The following KCNG3 variants were observed in gnomAD, a reference collection of about 807,000 sequenced individuals.
The protein encoded by KCNG3 is potassium voltage-gated channel modifier subfamily G member 3.
In KCNG3, 15 loss-of-function variants were observed where a neutral mutation model predicts 29.0. That is an observed-to-expected ratio of 0.52 (90% CI 0.35 to 0.80). KCNG3 has a LOEUF of 0.80. Ranked by LOEUF, KCNG3 falls within the 30% of genes least tolerant of loss-of-function variation. The pLI, the probability that KCNG3 is intolerant of heterozygous loss-of-function variation, is 0.01. For synonymous variants in KCNG3, 322 were observed against 248.9 expected (o/e 1.29, Z -2.76); for missense variants, 512 against 605.7 (o/e 0.85, Z 1.62).
chr2:42,463,882 A>G (rs1465181816), intron 1 of KCNG3: 2 of 292,902 alleles, frequency 6.8e-6, no homozygotes, highest in Non-Finnish European at 1.4e-5. Context: ...TGTAAATTCT[A>G]ATCCCTTCTC....
At chr2:42,465,126 C>A (rs1024485526) in intron 1 of KCNG3, among the ~76,000 whole-genome samples, 1 of 151,974 alleles carries the variant, frequency 6.6e-6, no homozygotes, top group South Asian at 2.1e-4. Flanking sequence ...TCATACCACA[C>A]ACAAAAATTA....
the KCNG3 span, among the ~76,000 whole-genome samples, chr2:42,420,149 G>A: frequency 7.9e-5 from 12 of 151,990 alleles, no homozygotes; most frequent in African/African-American, 2.2e-4. Flanking sequence ...GCTTGAACCC[G>A]GGAAGCAGAG....
the KCNG3 span, among the ~76,000 whole-genome samples, chr2:42,407,057 A>G: frequency 6.6e-6 from 1 of 152,052 alleles, no homozygotes; most frequent in South Asian, 2.1e-4. Flanking sequence ...ACTTCACATC[A>G]TGCTTGATAA....
chr2:42,462,810 T>C (rs961861239), intron 1 of KCNG3, among the ~76,000 whole-genome samples: 1 of 152,194 alleles, frequency 6.6e-6, no homozygotes, highest in Non-Finnish European at 1.5e-5. Context: ...AAGTCACAGT[T>C]TCATTCATTT....
chr2:42,459,714 C>T (rs1479455876), intron 1 of KCNG3, among the ~76,000 whole-genome samples: 1 of 152,152 alleles, frequency 6.6e-6, no homozygotes, highest in African/African-American at 2.4e-5. Context: ...TGGTGGCTCA[C>T]GCCTGTAATC....
intron 1 of KCNG3, among the ~76,000 whole-genome samples, chr2:42,458,594 A>G (rs1401515686): frequency 6.6e-6 from 1 of 152,224 alleles, no homozygotes; most frequent in Non-Finnish European, 1.5e-5. Context: ...ATTACAGGCA[A>G]TTACTACAAA....
chr2:42,390,250 T>C, the KCNG3 span, among the ~76,000 whole-genome samples: 1 of 152,212 alleles, frequency 6.6e-6, no homozygotes. Flanking sequence ...CCTGTAATCA[T>C]TAAATTACAG....
At chr2:42,483,024 A>G (rs917605623) in intron 1 of KCNG3, among the ~76,000 whole-genome samples, 30 of 151,696 alleles carry the variant, frequency 2.0e-4, no homozygotes, top group Non-Finnish European at 3.2e-4. Context: ...GGGAGGCTAC[A>G]GTGGGAGGAT....
In KCNG3 at chr2:42,493,733, AG is replaced by A. The variant is rs1673988864; in HGVS notation, c.-233del. 1 of 339,314 alleles carries A rather than the reference AG, an allele frequency of 2.9e-6. No homozygotes were observed. Among genetic ancestry groups the A allele is most frequent in the Non-Finnish European group, 5.3e-6 (1 of 189,584 alleles). 21.0% of individuals were successfully genotyped at this position (339,314 alleles called of 1,614,324 possible). On this transcript the variant is annotated 5_prime_UTR_variant, in exon 1 of 2. Coordinates refer to ENST00000306078, the MANE Select transcript of KCNG3 (RefSeq NM_133329.6). ...CGGCGGTACCTGCGGGTGGCCGGGG[AG>A]TCCTCGCCGGCGCCAGCGCTGAGCC...
chr2:42,395,430 G>A, the KCNG3 span, among the ~76,000 whole-genome samples: 14 of 152,284 alleles, frequency 9.2e-5, no homozygotes, highest in East Asian at 1.9e-4. Flanking sequence ...GGCCAGGCGC[G>A]GTGGCTCACA....
chr2:42,476,291 G>A (rs997741088), intron 1 of KCNG3, among the ~76,000 whole-genome samples: 10 of 150,778 alleles, frequency 6.6e-5, no homozygotes, highest in African/African-American at 2.2e-4. Flanking sequence ...GGGCAACATA[G>A]AGAAACCCAG....
intron 1 of KCNG3, among the ~76,000 whole-genome samples, chr2:42,457,606 G>C (rs953071877): frequency 6.9e-6 from 1 of 145,206 alleles, no homozygotes; most frequent in Admixed American, 7.1e-5. Flanking sequence ...TAGCACTTTG[G>C]GAGGCCGAGG....
At position 42,443,013 on chromosome 2, in the gene KCNG3, C is replaced by G. The variant is rs1462642013; in HGVS notation, c.*921G>C. 1 of 152,114 alleles carries G rather than the reference C, an allele frequency of 6.6e-6. No homozygotes were observed. Among genetic ancestry groups the G allele is most frequent in the East Asian group, 1.9e-4 (1 of 5,198 alleles). 9.4% of individuals were successfully genotyped at this position (152,114 alleles called of 1,614,324 possible). ...GCTACTAAAAGGCTATATAAATATC[C>G]TTTCATCTGATAAGTCTTATTAAAC... is the stretch of plus-strand genomic sequence containing the variant. On this transcript the variant is annotated 3_prime_UTR_variant, in exon 2 of 2. Coordinates refer to ENST00000306078, the MANE Select transcript of KCNG3 (RefSeq NM_133329.6).
the KCNG3 span, among the ~76,000 whole-genome samples, chr2:42,413,488 A>T: frequency 6.6e-6 from 1 of 151,892 alleles, no homozygotes; most frequent in African/African-American, 2.4e-5. Flanking sequence ...AATTTTCTTT[A>T]TTCCATTTTT....
intron 1 of KCNG3, among the ~76,000 whole-genome samples, chr2:42,465,716 T>C (rs1673125608): frequency 1.3e-5 from 2 of 152,120 alleles, no homozygotes; most frequent in Admixed American, 1.3e-4. Flanking sequence ...GAGGAAAATA[T>C]TCACAACACA....
the KCNG3 span, among the ~76,000 whole-genome samples, chr2:42,395,544 T>C: frequency 2.6e-5 from 4 of 152,188 alleles, no homozygotes; most frequent in Non-Finnish European, 5.9e-5. Flanking sequence ...AATAATGATG[T>C]CTGTGTTGGA....
intron 1 of KCNG3, among the ~76,000 whole-genome samples, chr2:42,448,088 G>A (rs1405268160): frequency 6.6e-6 from 1 of 152,152 alleles, no homozygotes; most frequent in Admixed American, 6.6e-5. Flanking sequence ...GATGAAAAGT[G>A]CTAGCTTATT....
the KCNG3 span, among the ~76,000 whole-genome samples, chr2:42,418,666 T>C: frequency 4.6e-5 from 7 of 152,192 alleles, no homozygotes; most frequent in African/African-American, 1.7e-4. Flanking sequence ...GTTTAGGGTT[T>C]TTTGTGGTTA....
At chr2:42,472,716 T>A (rs1390511349) in intron 1 of KCNG3, among the ~76,000 whole-genome samples, 1 of 151,498 alleles carries the variant, frequency 6.6e-6, no homozygotes, top group Non-Finnish European at 1.5e-5. Flanking sequence ...CACAGGCTGG[T>A]CTCAAACTAT....
Sources: gnomAD v4.1 joint callset for allele counts (sites outside exome capture counted in the v4.1 genomes callset) on GRCh38, gnomAD v4.1.1 for gene constraint, MANE v1.5 for transcripts, NCBI Gene and HGNC (gene_info 2026-07-23, HGNC 2026-07-21) for gene names.